THEM4: variants seen among roughly 807,000 people sequenced by gnomAD.
THEM4 encodes the protein acyl-coenzyme A thioesterase THEM4.
THEM4 carries 22 observed loss-of-function variants against 25.0 expected under a neutral mutation model. The observed-to-expected ratio is 0.88, with a 90% CI of 0.63 to 1.26. The LOEUF is 1.26. THEM4 is among the 50% of genes most tolerant of loss of function. The pLI, the probability that THEM4 is intolerant of heterozygous loss-of-function variation, is 0.00. For synonymous variants in THEM4, 113 were observed against 105.6 expected (o/e 1.07, Z -0.43); for missense variants, 286 against 300.3 (o/e 0.95, Z 0.35).
chr1:151,882,815 G>A (rs1052549137), intron 4 of THEM4, among the ~76,000 whole-genome samples: 2 of 152,152 alleles, frequency 1.3e-5, no homozygotes, highest in Admixed American at 1.3e-4. Flanking sequence ...ATAACTTGTA[G>A]GGAGAAATGA....
At chr1:151,898,190 A>G (rs1461750336) in intron 1 of THEM4, among the ~76,000 whole-genome samples, 2 of 151,738 alleles carry the variant, frequency 1.3e-5, no homozygotes, top group Non-Finnish European at 2.9e-5. Context: ...AAAGCCTCAG[A>G]CAAGTTTTCA....
Position 151,879,253 on chromosome 1 carries a change from T to C in THEM4, c.558-2128A>G, listed in dbSNP as rs1346819764. Among the ~76,000 whole-genome samples the C allele has an allele frequency of 6.6e-5, 10 of 152,162 alleles. 1 individual carries two copies. The highest frequency in any genetic ancestry group is 1.5e-4 in the Non-Finnish European group (10 of 68,028). On this transcript the variant is annotated intron_variant, in intron 4 of 5. Coordinates refer to ENST00000368814, the MANE Select transcript of THEM4 (RefSeq NM_053055.5). ...GAGGAGTCTCACTCTGAAACGAGAC[T>C]GGGTCTCTCAATCACTTCATGGGGT...
At position 151,872,518 on chromosome 1, in the gene THEM4, A is replaced by G. The variant is rs1156421010; in HGVS notation, c.*2370T>C. 6.6e-6 allele frequency among the ~76,000 whole-genome samples: 1 copy of G among 152,218 alleles called. No homozygotes were observed. Among genetic ancestry groups the G allele is most frequent in the Non-Finnish European group, 1.5e-5 (1 of 68,042 alleles). ...CCAGAACATTAGTCTCTGTAGGGAA[A>G]AGAGAGATCAGACTGTTACTGTGTC... On this transcript the variant is annotated 3_prime_UTR_variant, in exon 6 of 6. Transcript: ENST00000368814.
intron 4 of THEM4, among the ~76,000 whole-genome samples, chr1:151,878,888 CTA>C (rs1491196092): frequency 0.011 from 147 of 13,618 alleles, 1 homozygote; most frequent in Middle Eastern, 0.038. Flanking sequence ...TTGTATATGT[CTA>C]TACACACACA....
Position 151,874,614 on chromosome 1 carries a change from A to C in THEM4, c.*274T>G. The C allele has an allele frequency of 2.1e-6, 1 of 485,256 alleles. No individual in the cohort carries two copies. The highest frequency in any genetic ancestry group is 3.7e-6 in the Non-Finnish European group (1 of 271,526). 30.1% of individuals were successfully genotyped at this position (485,256 alleles called of 1,614,324 possible). On this transcript the variant is annotated 3_prime_UTR_variant, in exon 6 of 6. Transcript: ENST00000368814. ...GATCTTGAACTCCTGAGCTCAGGCA[A>C]TCCGCCTGCCTCGGCCTCCTAAAGT...
intron 1 of THEM4, among the ~76,000 whole-genome samples, chr1:151,904,639 T>C (rs1248905335): frequency 6.6e-6 from 1 of 152,160 alleles, no homozygotes; most frequent in Non-Finnish European, 1.5e-5. Context: ...TAAAAGACTG[T>C]TGCAAAGGCC....
chr1:151,877,727 C>A (rs1245996302), intron 4 of THEM4, among the ~76,000 whole-genome samples: 1 of 152,152 alleles, frequency 6.6e-6, no homozygotes, highest in Non-Finnish European at 1.5e-5. Flanking sequence ...GCTAGCATAA[C>A]TGAGAAGTTG....
chr1:151,881,210 C>T (rs1653805295), intron 4 of THEM4, among the ~76,000 whole-genome samples: 1 of 152,018 alleles, frequency 6.6e-6, no homozygotes, highest in Non-Finnish European at 1.5e-5. Flanking sequence ...GTCTGTCCCC[C>T]AGGCTGGAGT....
At chr1:151,884,748 G>A (rs1018653640) in intron 4 of THEM4, among the ~76,000 whole-genome samples, 5 of 150,718 alleles carry the variant, frequency 3.3e-5, no homozygotes, top group African/African-American at 1.2e-4. Flanking sequence ...GGGTACAATG[G>A]TGCAATCTCT....
intron 1 of THEM4, among the ~76,000 whole-genome samples, chr1:151,904,688 T>C (rs576947911): frequency 6.6e-6 from 1 of 152,278 alleles, no homozygotes; most frequent in Non-Finnish European, 1.5e-5. Flanking sequence ...AGGTACTGAG[T>C]AATGAAAAGT....
At chr1:151,906,052 C>T (rs1358013566) in intron 1 of THEM4, among the ~76,000 whole-genome samples, 1 of 152,256 alleles carries the variant, frequency 6.6e-6, no homozygotes, top group Non-Finnish European at 1.5e-5. Flanking sequence ...AGGAGCCCTT[C>T]AGCCCACTGC....
chr1:151,901,937 C>A lies in THEM4; in HGVS notation c.100-6743G>T, dbSNP rs139466080. 1.1e-3 allele frequency among the ~76,000 whole-genome samples: 163 copies of A among 152,292 alleles called. 1 individual carries two copies. In the East Asian group the frequency reaches 0.022, roughly 20 times the overall value. The stretch of plus-strand genomic sequence containing the variant: ...AATCAAGATGGAAATTTAAAAAATT[C>A]TTCAGATTGAATGACAATAATGACA... On this transcript the variant is annotated intron_variant, in intron 1 of 5. Coordinates refer to ENST00000368814, the MANE Select transcript of THEM4 (RefSeq NM_053055.5).
intron 1 of THEM4, among the ~76,000 whole-genome samples, chr1:151,908,089 T>G (rs1338729860): frequency 6.6e-6 from 1 of 152,232 alleles, no homozygotes; most frequent in Admixed American, 6.5e-5. Flanking sequence ...TGCATAGGAA[T>G]AAGAGGTTCT....
In THEM4 at chr1:151,871,552, A is replaced by G. The variant is rs1431388259; in HGVS notation, c.*3336T>C. ...AGAGTGCCAGGGCATGGTGAAGGCTAGGAATAGTCTGCTGCAAAGCAGGGA... is the reference window on the plus strand; with the variant it reads ...AGAGTGCCAGGGCATGGTGAAGGCTGGGAATAGTCTGCTGCAAAGCAGGGA... On this transcript the variant is annotated 3_prime_UTR_variant, in exon 6 of 6. Transcript: ENST00000368814. Among the ~76,000 whole-genome samples, 4 of 152,230 alleles carry G rather than the reference A, an allele frequency of 2.6e-5. No individual in the cohort carries two copies. The highest frequency in any genetic ancestry group is 4.8e-5 in the African/African-American group (2 of 41,452).
chr1:151,872,622 T>G lies in THEM4; in HGVS notation c.*2266A>C, dbSNP rs1490789859. On this transcript the variant is annotated 3_prime_UTR_variant, in exon 6 of 6. Transcript: ENST00000368814. ...GCTTTGCCTTGAGATGCTGTTAATC[T>G]GTAACTTTAGCCCCAACCCTGTGCT... Among the ~76,000 whole-genome samples the G allele has an allele frequency of 6.6e-6, 1 of 152,210 alleles. No individual in the cohort carries two copies. The highest frequency in any genetic ancestry group is 1.9e-4 in the East Asian group (1 of 5,192).
At chr1:151,884,966 C>T (rs886317294) in intron 4 of THEM4, among the ~76,000 whole-genome samples, 3 of 151,986 alleles carry the variant, frequency 2.0e-5, no homozygotes, top group South Asian at 2.1e-4. Context: ...GGATTACAGG[C>T]GTGAGCCACC....
chr1:151,871,338 A>AAAAG lies in THEM4; in HGVS notation c.*3549_*3550insCTTT, dbSNP rs1553298350. Among the ~76,000 whole-genome samples, 4 of 151,856 alleles carry AAAAG rather than the reference A, an allele frequency of 2.6e-5. No homozygotes were observed. The East Asian group carries it at 7.7e-4, about 29-fold the overall frequency. On this transcript the variant is annotated 3_prime_UTR_variant, in exon 6 of 6. Transcript: ENST00000368814. Reference sequence around the variant, plus strand: ...AGACCCTGTCTTGAAAAAAAAAAAAAAAAAAGAAAAAGAAAAAAGAAAGGA... The same window carrying AAAAG: ...AGACCCTGTCTTGAAAAAAAAAAAAAAAAGAAAAAGAAAAAGAAAAAAGAAAGGA...
rs1020186424 is a variant in THEM4, at chr1:151,871,005, C to T, written c.*3883G>A. Among the ~76,000 whole-genome samples, 1 of 152,092 alleles carries T rather than the reference C, an allele frequency of 6.6e-6. No homozygotes were observed. The highest frequency in any genetic ancestry group is 2.4e-5 in the African/African-American group (1 of 41,412). ...CTAACCAGCATCAATTCCTAATATTCATTCAAAATGTTAGCACTTGGTATA... is the reference window on the plus strand; with the variant it reads ...CTAACCAGCATCAATTCCTAATATTTATTCAAAATGTTAGCACTTGGTATA... On this transcript the variant is annotated 3_prime_UTR_variant, in exon 6 of 6. Coordinates refer to ENST00000368814, the MANE Select transcript of THEM4 (RefSeq NM_053055.5).
intron 1 of THEM4, among the ~76,000 whole-genome samples, chr1:151,895,442 C>T (rs141809186): frequency 6.6e-6 from 1 of 152,256 alleles, no homozygotes; most frequent in Non-Finnish European, 1.5e-5. Flanking sequence ...ATGCTCAGGT[C>T]TGCTGATTCC....
Sources: gnomAD v4.1 joint callset for allele counts (sites outside exome capture counted in the v4.1 genomes callset) on GRCh38, gnomAD v4.1.1 for gene constraint, MANE v1.5 for transcripts, NCBI Gene and HGNC (gene_info 2026-07-23, HGNC 2026-07-21) for gene names.